Variants in IMMP2L observed in about 807,000 individuals in gnomAD.
IMMP2L encodes the protein mitochondrial inner membrane protease subunit 2.
IMMP2L carries 18 observed loss-of-function variants against 19.3 expected under a neutral mutation model. The ratio of observed to expected loss-of-function variants is 0.93; its 90% CI spans 0.64 to 1.38. IMMP2L has a LOEUF of 1.38. IMMP2L is among the 40% of genes most tolerant of loss of function. The pLI, the probability that IMMP2L is intolerant of heterozygous loss-of-function variation, is 0.00. For synonymous variants in IMMP2L, 76 were observed against 73.0 expected, an observed-to-expected ratio of 1.04 and a Z score of -0.21; for missense variants, 233 against 218.2, an observed-to-expected ratio of 1.07 and a Z score of -0.43.
At chr7:111,494,610 A>G (rs1472058879) in intron 2 of IMMP2L, among the ~76,000 whole-genome samples, 1 of 152,208 alleles carries the variant, frequency 6.6e-6, no homozygotes, top group Non-Finnish European at 1.5e-5. Context: ...CTTATTAACC[A>G]TATTACTTTA....
intron 5 of IMMP2L, among the ~76,000 whole-genome samples, chr7:110,841,815 A>C (rs1410287910): frequency 2.0e-5 from 3 of 152,198 alleles, no homozygotes; most frequent in Non-Finnish European, 4.4e-5. Context: ...CAATGACTAC[A>C]TTATCAAATT....
intron 3 of IMMP2L, among the ~76,000 whole-genome samples, chr7:111,471,312 G>A (rs1404016506): frequency 6.6e-6 from 1 of 151,998 alleles, no homozygotes; most frequent in Non-Finnish European, 1.5e-5. Context: ...CAGATTCTAG[G>A]GAATGCAAGT....
At chr7:110,816,216 A>C (rs979800645) in intron 5 of IMMP2L, among the ~76,000 whole-genome samples, 6 of 151,928 alleles carry the variant, frequency 3.9e-5, no homozygotes, top group Non-Finnish European at 7.4e-5. Flanking sequence ...CCTTCATTTC[A>C]TTATGTACCC....
chr7:110,812,509 G>A (rs1802116188), intron 5 of IMMP2L, among the ~76,000 whole-genome samples: 1 of 151,954 alleles, frequency 6.6e-6, no homozygotes, highest in Admixed American at 6.6e-5. Flanking sequence ...AACAAGTCTC[G>A]CTGCTATCTT....
In IMMP2L at chr7:110,668,134, C is replaced by T. The variant is rs898321802; in HGVS notation, c.409-4413G>A. Among the ~76,000 whole-genome samples the T allele has an allele frequency of 2.6e-5, 4 of 152,096 alleles. 1 individual carries two copies. The highest frequency in any genetic ancestry group is 2.0e-4 in the Admixed American group (3 of 15,268). On this transcript the variant is annotated intron_variant, in intron 5 of 5. Coordinates refer to ENST00000405709, the MANE Select transcript of IMMP2L (RefSeq NM_032549.4). ...TTTTTTTAAAGTCTCCTCACCCCAC[C>T]TAACCCTAGTGATTCTGCTGATTAC... is the stretch of plus-strand genomic sequence containing the variant.
intron 5 of IMMP2L, among the ~76,000 whole-genome samples, chr7:110,784,759 T>C: frequency 6.6e-6 from 1 of 151,864 alleles, no homozygotes; most frequent in Non-Finnish European, 1.5e-5. Flanking sequence ...ACCCTGGAGA[T>C]GTTTATGTAA....
intron 4 of IMMP2L, among the ~76,000 whole-genome samples, chr7:110,909,889 GGAGAGAGA>G (rs71778763): frequency 6.7e-6 from 1 of 148,368 alleles, no homozygotes; most frequent in Non-Finnish European, 1.5e-5. Flanking sequence ...GTTAAACAGA[GGAGAGAGA>G]GAGAGAGAGA....
At chr7:111,038,219 C>T (rs1435895150) in intron 3 of IMMP2L, among the ~76,000 whole-genome samples, 1 of 152,076 alleles carries the variant, frequency 6.6e-6, no homozygotes, top group African/African-American at 2.4e-5. Context: ...AGTAAGAATA[C>T]ACTGATTTTT....
chr7:111,556,037 C>CATATATATATAT (rs1356609635), intron 1 of IMMP2L, among the ~76,000 whole-genome samples: 1 of 108,236 alleles, frequency 9.2e-6, no homozygotes, highest in Non-Finnish European at 1.8e-5. Flanking sequence ...TATATATATA[C>CATATATATATAT]ATACCCAAAG....
At chr7:111,445,336 A>G (rs980842390) in intron 3 of IMMP2L, among the ~76,000 whole-genome samples, 1 of 152,062 alleles carries the variant, frequency 6.6e-6, no homozygotes, top group African/African-American at 2.4e-5. Flanking sequence ...CAAGTCAGAA[A>G]ACATCTTACC....
chr7:110,777,344 A>T (rs1325997880), intron 5 of IMMP2L, among the ~76,000 whole-genome samples: 1 of 151,968 alleles, frequency 6.6e-6, no homozygotes, highest in Non-Finnish European at 1.5e-5. Flanking sequence ...CCATGTTTCC[A>T]TGGGGGATAA....
Position 111,548,013 on chromosome 7 carries a change from C to A in IMMP2L, c.-3+13838G>T, listed in dbSNP as rs137917972. ...CTGGGATTACAGGTGTGAGCCACTG[C>A]ACCTGGCCCATCCTGCTTTCAACAG... On this transcript the variant is annotated intron_variant, in intron 1 of 5. Transcript: ENST00000405709. Among the ~76,000 whole-genome samples, 324 of 152,186 alleles carry A rather than the reference C, an allele frequency of 2.1e-3. 3 individuals are homozygous for A. Among genetic ancestry groups the A allele is most frequent in the African/African-American group, 7.4e-3 (307 of 41,544 alleles).
At chr7:111,221,564 CAT>C (rs931877608) in intron 3 of IMMP2L, among the ~76,000 whole-genome samples, 13 of 151,870 alleles carry the variant, frequency 8.6e-5, no homozygotes, top group African/African-American at 2.7e-4. Context: ...ACAATAAAAA[CAT>C]ACGGTACACA....
chr7:110,879,052 G>A (rs975668434), intron 5 of IMMP2L, among the ~76,000 whole-genome samples: 4 of 152,148 alleles, frequency 2.6e-5, no homozygotes, highest in African/African-American at 9.7e-5. Flanking sequence ...GTAATGTGAA[G>A]TCACTGATGT....
chr7:111,030,884 G>A (rs181084670), intron 3 of IMMP2L, among the ~76,000 whole-genome samples: 53 of 127,058 alleles, frequency 4.2e-4, no homozygotes, highest in East Asian at 8.7e-4. Flanking sequence ...GTGTGTGTGT[G>A]TATATATATA....
At chr7:111,053,960 C>A (rs1256993064) in intron 3 of IMMP2L, among the ~76,000 whole-genome samples, 1 of 151,926 alleles carries the variant, frequency 6.6e-6, no homozygotes, top group Non-Finnish European at 1.5e-5. Flanking sequence ...AATAAAAAAA[C>A]AATTCATTTT....
intron 3 of IMMP2L, among the ~76,000 whole-genome samples, chr7:111,026,037 CAA>C (rs1246654642): frequency 6.0e-5 from 9 of 150,746 alleles, no homozygotes; most frequent in Middle Eastern, 3.4e-3. Context: ...CACACACACA[CAA>C]ATTAGGAAAA....
chr7:110,961,382 T>C (rs1351832142), intron 4 of IMMP2L, among the ~76,000 whole-genome samples: 3 of 151,670 alleles, frequency 2.0e-5, no homozygotes, highest in Non-Finnish European at 2.9e-5. Flanking sequence ...GCTATGTAAA[T>C]ATTTGTTTTA....
rs560532910 is a variant in IMMP2L, at chr7:111,157,891, A to G, written c.240-194326T>C. 1.8e-4 allele frequency among the ~76,000 whole-genome samples: 28 copies of G among 152,090 alleles called. No homozygotes were observed. The East Asian group carries it at 5.0e-3, about 27-fold the overall frequency. ...ACAATTTAAAAAATAAAATAAAATA[A>G]TAAATATTAAAAGAGAAAACCATAA... On this transcript the variant is annotated intron_variant, in intron 3 of 5. Coordinates refer to ENST00000405709, the MANE Select transcript of IMMP2L (RefSeq NM_032549.4).
Sources: gnomAD v4.1 joint callset for allele counts (sites outside exome capture counted in the v4.1 genomes callset) on GRCh38, gnomAD v4.1.1 for gene constraint, MANE v1.5 for transcripts, NCBI Gene and HGNC (gene_info 2026-07-23, HGNC 2026-07-21) for gene names.